Variants in COQ8A observed in about 807,000 individuals in gnomAD.
COQ8A encodes atypical kinase COQ8A, mitochondrial.
A neutral mutation model predicts 65.0 loss-of-function variants in COQ8A; 51 were observed. The observed-to-expected ratio is 0.78, with a 90% confidence interval of 0.63 to 0.99. COQ8A has a LOEUF of 0.99. Ranked by LOEUF, COQ8A falls within the 50% of genes least tolerant of loss-of-function variation. COQ8A has a pLI of 0.00. For missense variants in COQ8A, 940 were observed against 875.0 expected, an observed-to-expected ratio of 1.07 and a Z score of -0.94; for synonymous variants, 371 against 353.2, an observed-to-expected ratio of 1.05 and a Z score of -0.57.
At position 226,978,787 on chromosome 1, in the gene COQ8A, CCT is replaced by C. The variant is rs761008082; in HGVS notation, c.730+1268_730+1269del. ...ACCCGCATACCTCCGTACACACCCA[CCT>C]CTCACCCGCACAGCTCCTTACACAC... On this transcript the variant is annotated intron_variant, in intron 5 of 14. Transcript: ENST00000366777. Among the ~76,000 whole-genome samples, 47 of 109,048 alleles carry C rather than the reference CCT, an allele frequency of 4.3e-4. 7 individuals carry two copies. The highest frequency in any genetic ancestry group is 1.5e-4 in the Non-Finnish European group (7 of 45,588). The allele number at this position is 109,048 out of a possible 152,430, so 71.5% of individuals were successfully genotyped here.
chr1:226,967,457 C>T (rs964678942), intron 4 of COQ8A, among the ~76,000 whole-genome samples: 6 of 152,034 alleles, frequency 3.9e-5, no homozygotes, highest in South Asian at 2.1e-4. Context: ...TGGGGAGAAG[C>T]GGTAGAGCTA....
chr1:226,948,913 C>T (rs1657204046), intron 1 of COQ8A, among the ~76,000 whole-genome samples: 1 of 152,190 alleles, frequency 6.6e-6, no homozygotes, highest in African/African-American at 2.4e-5. Flanking sequence ...GGTGCTTTAA[C>T]ACATTTCAAA....
At chr1:226,967,546 T>C (rs1488663993) in intron 4 of COQ8A, among the ~76,000 whole-genome samples, 1 of 152,222 alleles carries the variant, frequency 6.6e-6, no homozygotes, top group Non-Finnish European at 1.5e-5. Flanking sequence ...CACGAAGTCC[T>C]GGCGAAGGAG....
intron 1 of COQ8A, among the ~76,000 whole-genome samples, chr1:226,957,617 A>C (rs1400132471): frequency 2.6e-5 from 4 of 152,184 alleles, no homozygotes; most frequent in Non-Finnish European, 5.9e-5. Context: ...AGGGATCCTC[A>C]GAGTAAAATT....
At position 226,982,011 on chromosome 1, in the gene COQ8A, T is replaced by G. The variant is rs538638551; in HGVS notation, c.731-16T>G. On this transcript the variant is annotated splice_polypyrimidine_tract_variant and intron_variant, in intron 5 of 14. Coordinates refer to ENST00000366777, the MANE Select transcript of COQ8A (RefSeq NM_020247.5). ...CCCCCCCGAGTGCCGTGGTGACCCCTCTTGCCCGCCCACAGGGAAGAAGGC... is the reference window on the plus strand; with the variant it reads ...CCCCCCCGAGTGCCGTGGTGACCCCGCTTGCCCGCCCACAGGGAAGAAGGC... 1 of 1,612,852 alleles carries G rather than the reference T, an allele frequency of 6.2e-7. No homozygotes were observed. The highest frequency in any genetic ancestry group is 2.2e-5 in the East Asian group (1 of 44,882).
At chr1:226,941,677 A>T (rs1656704983) in intron 1 of COQ8A, among the ~76,000 whole-genome samples, 1 of 150,776 alleles carries the variant, frequency 6.6e-6, no homozygotes, top group Non-Finnish European at 1.5e-5. Flanking sequence ...CAGGAGGCTG[A>T]GGTGGGAGAA....
At chr1:226,975,041 G>A (rs1329670386) in intron 4 of COQ8A, 1 of 152,284 alleles carries the variant, frequency 6.6e-6, no homozygotes, top group African/African-American at 2.4e-5. Flanking sequence ...ACTTGCTTCA[G>A]GCAGAGAAGA....
intron 4 of COQ8A, among the ~76,000 whole-genome samples, chr1:226,971,971 A>G (rs762296510): frequency 6.6e-6 from 1 of 152,146 alleles, no homozygotes; most frequent in Non-Finnish European, 1.5e-5. Context: ...CCAATTACAC[A>G]TATGTTAGAT....
chr1:226,961,936 A>G (rs1017256132), intron 2 of COQ8A, among the ~76,000 whole-genome samples: 14 of 152,148 alleles, frequency 9.2e-5, no homozygotes, highest in Non-Finnish European at 2.9e-5. Context: ...GCTGCTCTCT[A>G]GGGCCTGTGT....
At chr1:226,981,245 TGATG>T (rs1659665786) in intron 5 of COQ8A, among the ~76,000 whole-genome samples, 1 of 152,198 alleles carries the variant, frequency 6.6e-6, no homozygotes, top group African/African-American at 2.4e-5. Flanking sequence ...AGCACTGAAC[TGATG>T]GCCCAGGATA....
rs1657221564 is a variant in COQ8A, at chr1:226,949,176, C to G, written c.-10+8777C>G. On this transcript the variant is annotated intron_variant, in intron 1 of 14. Transcript: ENST00000366777. The surrounding 1 kb of genome is among the most constrained non-coding windows in gnomAD (Gnocchi z 4.0). ...TAGGACCTGCAGAGTGGAGTGCGCT[C>G]ACATGGCTCGCGCGTAGCTGGAGGC... Among the ~76,000 whole-genome samples, 1 of 151,756 alleles carries G rather than the reference C, an allele frequency of 6.6e-6. No homozygotes were observed. The highest frequency in any genetic ancestry group is 6.6e-5 in the Admixed American group (1 of 15,222).
At chr1:226,961,257 G>T (rs1658237099) in intron 1 of COQ8A, 120 bp from the exon 2 acceptor site, 3 of 1,040,754 alleles carry the variant, frequency 2.9e-6, no homozygotes, top group Non-Finnish European at 4.4e-6. Flanking sequence ...AGCAGAAGGG[G>T]AGATCAGTGG....
intron 1 of COQ8A, among the ~76,000 whole-genome samples, chr1:226,951,735 G>C (rs1657398852): frequency 6.6e-6 from 1 of 151,874 alleles, no homozygotes; most frequent in Non-Finnish European, 1.5e-5. Flanking sequence ...ATGGGTCATA[G>C]ATCTTTCTTG....
At chr1:226,961,333 G>A in intron 1 of COQ8A, 44 bp from the exon 2 acceptor site, 1 of 1,609,228 alleles carries the variant, frequency 6.2e-7, no homozygotes, top group East Asian at 2.2e-5. Context: ...GGTTTGGCCT[G>A]CAGAGGCCTG....
At position 226,984,219 on chromosome 1, in the gene COQ8A, A is replaced by G. The variant is rs778213902; in HGVS notation, c.1382A>G (p.Gln461Arg). The change falls in exon 11 of 15, where the codon CAG becomes CGG. Residue 461 changes from glutamine to arginine, a missense_variant. Gln to Arg is a conservative substitution (Grantham distance 43, BLOSUM62 1). Transcript: ENST00000366777. Reference protein sequence around the residue: ...FPLDQAEGLSQEIRNEICYNI... With the variant: ...FPLDQAEGLSREIRNEICYNI... ...CTGGACCAGGCCGAAGGGCTCAGCC[A>G]GGAGATTCGGAACGAGGTTTGTCTG... 2.5e-6 allele frequency: 4 copies of G among 1,613,734 alleles called. No homozygotes were observed. The highest frequency in any genetic ancestry group is 2.7e-5 in the African/African-American group (2 of 75,054).
intron 1 of COQ8A, among the ~76,000 whole-genome samples, chr1:226,952,728 A>T (rs561661344): frequency 1.5e-4 from 23 of 152,262 alleles, no homozygotes; most frequent in Middle Eastern, 3.4e-3. Context: ...TATTTTTATA[A>T]CATTTATTTT....
chr1:226,962,380 G>A (rs188628458), intron 2 of COQ8A, among the ~76,000 whole-genome samples: 2 of 152,202 alleles, frequency 1.3e-5, no homozygotes, highest in Admixed American at 6.5e-5. Context: ...CAGTGAAATC[G>A]TGTGCTGGAG....
At chr1:226,945,938 T>C (rs1033639394) in intron 1 of COQ8A, among the ~76,000 whole-genome samples, 14 of 152,354 alleles carry the variant, frequency 9.2e-5, no homozygotes, top group African/African-American at 3.4e-4. Flanking sequence ...AACAGGGTGC[T>C]GCTGCCATTT....
At position 226,987,394 on chromosome 1, in the gene COQ8A, G is replaced by A. The variant is rs893755137; in HGVS notation, c.*657G>A. On this transcript the variant is annotated 3_prime_UTR_variant, in exon 15 of 15. Transcript: ENST00000366777. ...ACAGGCTCGCTGCTGCTGGAAGGCG[G>A]GGTGGGACTTCCTTCCTCTGTCCGG... is the stretch of plus-strand genomic sequence containing the variant. The A allele has an allele frequency of 6.5e-6, 1 of 152,964 alleles. No homozygotes were observed. Among genetic ancestry groups the A allele is most frequent in the African/African-American group, 2.4e-5 (1 of 41,462 alleles). The allele number at this position is 152,964 out of a possible 1,614,324, so 9.5% of individuals were successfully genotyped here.
Sources: allele counts gnomAD v4.1 joint callset (sites outside exome capture counted in the v4.1 genomes callset), GRCh38; gene constraint gnomAD v4.1.1; non-coding constraint Gnocchi (gnomAD v3.1); transcripts MANE v1.5; gene names NCBI Gene and HGNC (gene_info 2026-07-23, HGNC 2026-07-21).